The following DNAH14 variants were observed in gnomAD, a reference collection of about 807,000 sequenced individuals.
DNAH14 encodes the protein axonemal beta dynein heavy chain 14.
Under a neutral mutation model 520.9 loss-of-function variants are expected in DNAH14, and 478 were observed. The ratio of observed to expected loss-of-function variants is 0.92; its 90% CI spans 0.85 to 0.99. The LOEUF is 0.99. Ranked by LOEUF, DNAH14 falls within the 50% of genes least tolerant of loss-of-function variation. DNAH14 has a pLI of 0.00. For missense variants in DNAH14, 4,831 were observed against 5,234.5 expected (o/e 0.92, Z 2.38); for synonymous variants, 1,581 against 1,757.2 (o/e 0.90, Z 2.51).
intron 8 of DNAH14, among the ~76,000 whole-genome samples, chr1:224,983,146 C>T (rs1465436283): frequency 6.6e-6 from 1 of 152,104 alleles, no homozygotes; most frequent in Admixed American, 6.6e-5. Flanking sequence ...GTGTTAGGTG[C>T]ATATATGTTT....
chr1:225,324,656 A>G (rs2094618645), intron 63 of DNAH14, 81 bp from the exon 64 acceptor site: 2 of 1,251,616 alleles, frequency 1.6e-6, no homozygotes, highest in Non-Finnish European at 2.3e-6. Flanking sequence ...TGACTCTGTA[A>G]ATGTCTTTCA....
intron 41 of DNAH14, among the ~76,000 whole-genome samples, chr1:225,219,712 T>C (rs2089842767): frequency 6.6e-6 from 1 of 152,180 alleles, no homozygotes; most frequent in Non-Finnish European, 1.5e-5. Context: ...GATTAACATC[T>C]GAATTCTACC....
chr1:225,356,232 G>A (rs2095427306), intron 73 of DNAH14, among the ~76,000 whole-genome samples: 2 of 152,250 alleles, frequency 1.3e-5, no homozygotes, highest in Non-Finnish European at 2.9e-5. Context: ...TGAAAATTGA[G>A]AGATTTCAAA....
intron 36 of DNAH14, among the ~76,000 whole-genome samples, chr1:225,170,058 C>T (rs188271752): frequency 2.6e-5 from 4 of 152,132 alleles, no homozygotes; most frequent in Admixed American, 2.0e-4. Flanking sequence ...CCTTTACAGA[C>T]AAGCAAATGC....
intron 37 of DNAH14, among the ~76,000 whole-genome samples, chr1:225,192,469 TG>T (rs894992596): frequency 1.3e-5 from 2 of 152,094 alleles, no homozygotes; most frequent in Admixed American, 6.6e-5. Context: ...CCACTTTTTC[TG>T]GGGGTACTGT....
intron 48 of DNAH14, among the ~76,000 whole-genome samples, chr1:225,265,833 G>C (rs1446055077): frequency 6.6e-6 from 1 of 151,996 alleles, no homozygotes; most frequent in Non-Finnish European, 1.5e-5. Context: ...GTGAATAACT[G>C]AGGAACCTAA....
At chr1:225,250,484 G>T (rs948965137) in intron 43 of DNAH14, among the ~76,000 whole-genome samples, 15 of 152,202 alleles carry the variant, frequency 9.9e-5, no homozygotes, top group Admixed American at 3.3e-4. Context: ...GGAAAACAAA[G>T]AAGAATATAC....
At position 224,948,275 on chromosome 1, in the gene DNAH14, C is replaced by T. The variant is rs114635336; in HGVS notation, c.-33-4395C>T. Among the ~76,000 whole-genome samples the T allele has an allele frequency of 4.8e-3, 721 of 151,622 alleles. 4 individuals carry two copies. Among genetic ancestry groups the T allele is most frequent in the African/African-American group, 0.016 (677 of 41,370 alleles). On this transcript the variant is annotated intron_variant, in intron 1 of 85. Coordinates refer to ENST00000682510, the MANE Select transcript of DNAH14 (RefSeq NM_001367479.1). ...CATGTTGTTAAGTCCAAATTCCAAA[C>T]TCTTCTGTTTTATTTTCCTGGCAAA...
At chr1:225,252,507 A>G in intron 44 of DNAH14, 90 bp downstream of exon 44, 1 of 709,034 alleles carries the variant, frequency 1.4e-6, no homozygotes, top group Admixed American at 3.2e-5. Flanking sequence ...CTATTTATAA[A>G]AGTAATTATA....
At chr1:225,360,971 C>A in intron 75 of DNAH14, 80 bp downstream of exon 75, 1 of 1,304,776 alleles carries the variant, frequency 7.7e-7, no homozygotes, top group Non-Finnish European at 1.1e-6. Flanking sequence ...TCAATGTATA[C>A]TGTGTGTAAA....
At chr1:225,056,705 G>C (rs961534707) in intron 17 of DNAH14, among the ~76,000 whole-genome samples, 1 of 152,092 alleles carries the variant, frequency 6.6e-6, no homozygotes, top group Non-Finnish European at 1.5e-5. Flanking sequence ...ATTAATTTTT[G>C]TATAAGGTGT....
In DNAH14 at chr1:224,968,751, T is replaced by C; in HGVS notation, c.652-8T>C. 1 of 1,388,838 alleles carries C rather than the reference T, an allele frequency of 7.2e-7. No homozygotes were observed. Among genetic ancestry groups the C allele is most frequent in the Non-Finnish European group, 9.6e-7 (1 of 1,042,254 alleles). 86.0% of individuals were successfully genotyped at this position (1,388,838 alleles called of 1,614,324 possible). On this transcript the variant is annotated splice_polypyrimidine_tract_variant and splice_region_variant and intron_variant, in intron 6 of 85. Transcript: ENST00000682510. ...AATAAAATAATGCTTTTGTGCTTTATTTTGTAGGTTATTAATATAGTTGGT... is the reference window on the plus strand; with the variant it reads ...AATAAAATAATGCTTTTGTGCTTTACTTTGTAGGTTATTAATATAGTTGGT...
chr1:225,325,423 T>G (rs1307488470), intron 64 of DNAH14, among the ~76,000 whole-genome samples: 1 of 151,410 alleles, frequency 6.6e-6, no homozygotes, highest in East Asian at 1.9e-4. Flanking sequence ...AGAAGGAGAT[T>G]GCAGTGTGCC....
At chr1:225,301,686 G>A (rs1235925549) in intron 56 of DNAH14, among the ~76,000 whole-genome samples, 1 of 152,016 alleles carries the variant, frequency 6.6e-6, no homozygotes, top group Non-Finnish European at 1.5e-5. Flanking sequence ...ATTTATTTCT[G>A]GTACTAGTTT....
At chr1:225,112,193 A>C (rs1214240910) in intron 23 of DNAH14, among the ~76,000 whole-genome samples, 2 of 152,136 alleles carry the variant, frequency 1.3e-5, no homozygotes, top group African/African-American at 4.8e-5. Context: ...TTGTTTTGAA[A>C]ATCTGTATGT....
chr1:225,301,567 G>A (rs1413773103), intron 56 of DNAH14, among the ~76,000 whole-genome samples: 1 of 152,156 alleles, frequency 6.6e-6, no homozygotes, highest in African/African-American at 2.4e-5. Flanking sequence ...TAGTCAAAAT[G>A]AACTCAACTT....
At chr1:225,216,673 C>T (rs1405828268) in intron 41 of DNAH14, among the ~76,000 whole-genome samples, 1 of 152,160 alleles carries the variant, frequency 6.6e-6, no homozygotes, top group East Asian at 1.9e-4. Flanking sequence ...ACCCTTTCTT[C>T]CACTTGATCA....
chr1:225,179,426 A>G (rs1010122967), intron 36 of DNAH14, among the ~76,000 whole-genome samples: 1 of 152,180 alleles, frequency 6.6e-6, no homozygotes, highest in African/African-American at 2.4e-5. Context: ...AATCATAGTT[A>G]TAATAAGTTA....
chr1:225,306,856 G>T (rs1048535347), intron 58 of DNAH14, among the ~76,000 whole-genome samples: 2 of 145,486 alleles, frequency 1.4e-5, no homozygotes, highest in Admixed American at 6.8e-5. Context: ...CAAAAGACAG[G>T]TTACAGTCCA....
Sources: gnomAD v4.1 joint callset for allele counts (sites outside exome capture counted in the v4.1 genomes callset) on GRCh38, gnomAD v4.1.1 for gene constraint, MANE v1.5 for transcripts, NCBI Gene and HGNC (gene_info 2026-07-23, HGNC 2026-07-21) for gene names.